HAPLN1: variants seen among roughly 807,000 people sequenced by gnomAD.
HAPLN1 encodes the protein hyaluronan and proteoglycan link protein 1.
HAPLN1 carries 13 observed loss-of-function variants against 36.5 expected under a neutral mutation model. That is an observed-to-expected ratio of 0.36 (90% CI 0.23 to 0.57). The LOEUF (loss-of-function observed/expected upper bound fraction) is 0.57, where lower values mean the gene tolerates loss of function less well. Ranked by LOEUF, HAPLN1 falls within the 20% of genes least tolerant of loss-of-function variation. HAPLN1 has a pLI of 0.83. For synonymous variants in HAPLN1, 202 were observed against 169.8 expected (o/e 1.19, Z -1.48); for missense variants, 407 against 439.7 (o/e 0.93, Z 0.66).
intron 1 of HAPLN1, among the ~76,000 whole-genome samples, chr5:83,686,378 C>T (rs1751127774): frequency 6.6e-6 from 1 of 152,112 alleles, no homozygotes; most frequent in Non-Finnish European, 1.5e-5. Flanking sequence ...CAAATAGAAT[C>T]AGTTCTAGTG....
intron 1 of HAPLN1, among the ~76,000 whole-genome samples, chr5:83,699,022 T>C (rs1322697779): frequency 6.6e-6 from 1 of 152,210 alleles, no homozygotes; most frequent in Non-Finnish European, 1.5e-5. Context: ...ACTTGTTAAA[T>C]ATGTTTTTAA....
rs1188195047 is a variant in HAPLN1, at chr5:83,701,717, C to T, written c.-27+19072G>A. On this transcript the variant is annotated intron_variant, in intron 1 of 4. Coordinates refer to ENST00000274341, the MANE Select transcript of HAPLN1 (RefSeq NM_001884.4). Reference sequence around the variant, plus strand: ...CTTTGGGAGGCCGAGGCGGGTGGATCACCTGAGGTCAGGAGATCAGGACCA... The same window carrying T: ...CTTTGGGAGGCCGAGGCGGGTGGATTACCTGAGGTCAGGAGATCAGGACCA... Among the ~76,000 whole-genome samples the T allele has an allele frequency of 2.0e-5, 3 of 152,200 alleles. No homozygotes were observed. In the East Asian group the frequency reaches 5.8e-4, roughly 29 times the overall value.
chr5:83,701,241 C>T (rs1187386920), intron 1 of HAPLN1, among the ~76,000 whole-genome samples: 3 of 152,164 alleles, frequency 2.0e-5, no homozygotes, highest in Non-Finnish European at 4.4e-5. Context: ...TAGAAATAGA[C>T]GTCCCAAATA....
intron 1 of HAPLN1, among the ~76,000 whole-genome samples, chr5:83,690,637 CT>C (rs1317849420): frequency 6.6e-6 from 1 of 151,832 alleles, no homozygotes; most frequent in Non-Finnish European, 1.5e-5. Flanking sequence ...ACATATTTTT[CT>C]TTTCAGATAA....
At chr5:83,644,330 A>T in intron 4 of HAPLN1, 33 bp downstream of exon 4, 1 of 1,436,506 alleles carries the variant, frequency 7.0e-7, no homozygotes, top group Non-Finnish European at 9.3e-7. Context: ...AGTCTGTGAG[A>T]TAGGAAAGAA....
chr5:83,681,518 G>T lies in HAPLN1; in HGVS notation c.-26-7969C>A, dbSNP rs541817316. Among the ~76,000 whole-genome samples the T allele has an allele frequency of 4.0e-4, 60 of 151,608 alleles. No individual in the cohort carries two copies. In the Middle Eastern group the frequency reaches 0.01, roughly 26 times the overall value. The stretch of plus-strand genomic sequence containing the variant: ...ATTTTATTTTAATTAATTAATTAAT[G>T]AATTTTTTTTTTGAGACAAGGTCTG... On this transcript the variant is annotated intron_variant, in intron 1 of 4. Transcript: ENST00000274341.
At chr5:83,649,480 G>A (rs900688429) in intron 3 of HAPLN1, among the ~76,000 whole-genome samples, 6 of 151,764 alleles carry the variant, frequency 4.0e-5, no homozygotes, top group African/African-American at 1.5e-4. Flanking sequence ...ACGGAGTCTC[G>A]CTCTGTCACC....
chr5:83,670,646 C>G (rs1750683448), intron 2 of HAPLN1, among the ~76,000 whole-genome samples: 1 of 152,026 alleles, frequency 6.6e-6, no homozygotes, highest in South Asian at 2.1e-4. Context: ...GGGGTCTACA[C>G]TTGCTATTTT....
chr5:83,689,678 C>G (rs2112618495), intron 1 of HAPLN1, among the ~76,000 whole-genome samples: 1 of 152,104 alleles, frequency 6.6e-6, no homozygotes, highest in East Asian at 1.9e-4. Flanking sequence ...CCAATTTTCT[C>G]AGAAAGGGAG....
At chr5:83,693,683 T>C (rs1357165015) in intron 1 of HAPLN1, among the ~76,000 whole-genome samples, 1 of 151,834 alleles carries the variant, frequency 6.6e-6, no homozygotes. Context: ...AGACACTATA[T>C]TAAAATCAGA....
At chr5:83,655,284 C>T (rs1750180906) in intron 2 of HAPLN1, among the ~76,000 whole-genome samples, 1 of 152,160 alleles carries the variant, frequency 6.6e-6, no homozygotes, top group Non-Finnish European at 1.5e-5. Flanking sequence ...GGGACTCAGA[C>T]TTCTAATTTT....
At chr5:83,644,293 G>A (rs1414863685) in intron 4 of HAPLN1, 70 bp downstream of exon 4, 104 of 1,132,718 alleles carry the variant, frequency 9.2e-5, no homozygotes, top group Non-Finnish European at 1.2e-4. Flanking sequence ...AAGATTAAAA[G>A]CCAAGTGTAG....
rs766503963 is a variant in HAPLN1 at position 83,641,499 on chromosome 5, G to T, written c.1062C>A (p.Asn354Lys). 1.3e-6 allele frequency: 2 copies of T among 1,599,250 alleles called. No individual in the cohort carries two copies. Among genetic ancestry groups the T allele is most frequent in the South Asian group, 2.2e-5 (2 of 90,182 alleles). ...CTGATGCGCTCTAAGGGCACATTCA[G>T]TTGTATGCTCTGAAGCAGTAGACAC... The part of the protein sequence containing the change: ...LYGVYCFRAY[N>K] The change falls in exon 5 of 5, where the codon AAC (asparagine) becomes AAA (lysine). Residue 354 changes from asparagine (N) to lysine (K), a missense_variant. Coordinates refer to ENST00000274341, the MANE Select transcript of HAPLN1 (RefSeq NM_001884.4).
At chr5:83,699,704 T>C (rs1025237108) in intron 1 of HAPLN1, among the ~76,000 whole-genome samples, 3 of 152,204 alleles carry the variant, frequency 2.0e-5, no homozygotes, top group Non-Finnish European at 2.9e-5. Flanking sequence ...AACATTCTGC[T>C]ACATAAATGA....
At position 83,661,435 on chromosome 5, in the gene HAPLN1, C is replaced by CTTTT. The variant is rs56005008; in HGVS notation, c.101-8615_101-8612dup. Reference sequence around the variant, plus strand: ...CAATGGTGGTCTGTGAGAAAAGCTTCTTTTTTTTTTTTTTTTTTTTTTTTT... The same window carrying CTTTT: ...CAATGGTGGTCTGTGAGAAAAGCTTCTTTTTTTTTTTTTTTTTTTTTTTTTTTTT... On this transcript the variant is annotated intron_variant, in intron 2 of 4. Coordinates refer to ENST00000274341, the MANE Select transcript of HAPLN1 (RefSeq NM_001884.4). 2.5e-3 allele frequency among the ~76,000 whole-genome samples: 155 copies of CTTTT among 62,976 alleles called. 20 individuals are homozygous for CTTTT. Among genetic ancestry groups the CTTTT allele is most frequent in the African/African-American group, 5.3e-3 (79 of 14,850 alleles). The allele number at this position is 62,976 out of a possible 152,430, so 41.3% of individuals were successfully genotyped here. A position where few individuals can be genotyped will look rare whatever the true frequency, so the allele number is the denominator to read the frequency against.
In HAPLN1 at chr5:83,649,605, T is replaced by A. The variant is rs187293445; in HGVS notation, c.472+2848A>T. Reference sequence around the variant, plus strand: ...CTGGGATTACAGGCACGTACCACCATGCCAGGCTAATTTTTGTATTTTTAG... The same window carrying A: ...CTGGGATTACAGGCACGTACCACCAAGCCAGGCTAATTTTTGTATTTTTAG... On this transcript the variant is annotated intron_variant, in intron 3 of 4. Coordinates refer to ENST00000274341, the MANE Select transcript of HAPLN1 (RefSeq NM_001884.4). Among the ~76,000 whole-genome samples, 369 of 152,188 alleles carry A rather than the reference T, an allele frequency of 2.4e-3. 2 individuals carry two copies. The highest frequency in any genetic ancestry group is 8.2e-3 in the African/African-American group (342 of 41,538).
chr5:83,671,807 G>A (rs16900717), intron 2 of HAPLN1, among the ~76,000 whole-genome samples: 2,099 of 152,278 alleles, frequency 0.014, 118 homozygotes, highest in Admixed American at 0.091. Flanking sequence ...TTCGAGGCAA[G>A]CCTGCACTTT....
At chr5:83,714,228 AG>A (rs1404457908) in intron 1 of HAPLN1, among the ~76,000 whole-genome samples, 1 of 152,196 alleles carries the variant, frequency 6.6e-6, no homozygotes, top group Non-Finnish European at 1.5e-5. Flanking sequence ...AAGACACGAA[AG>A]GAAATCACCT....
intron 1 of HAPLN1, among the ~76,000 whole-genome samples, chr5:83,682,794 G>A (rs1751037950): frequency 3.3e-5 from 5 of 152,170 alleles, no homozygotes; most frequent in Admixed American, 2.0e-4. Flanking sequence ...TTGGTTTTGT[G>A]ATGCAGGATA....
Sources: allele counts gnomAD v4.1 joint callset (sites outside exome capture counted in the v4.1 genomes callset), GRCh38; gene constraint gnomAD v4.1.1; transcripts MANE v1.5; gene names NCBI Gene and HGNC (gene_info 2026-07-23, HGNC 2026-07-21).